WDR70: variants seen among roughly 807,000 people sequenced by gnomAD.
WDR70 encodes the protein WD repeat domain 70, also known as WD repeat-containing protein 70.
In WDR70, 53 loss-of-function variants were observed where a neutral mutation model predicts 88.6. The ratio of observed to expected loss-of-function variants is 0.60; its 90% confidence interval spans 0.48 to 0.75. WDR70 has a LOEUF of 0.75. WDR70 is among the 30% of genes least tolerant of loss of function. The probability of loss-of-function intolerance (pLI) is 0.00; values close to 1 mark genes in which losing one functional copy is unlikely to be tolerated. For synonymous variants in WDR70, 280 were observed against 270.0 expected, an observed-to-expected ratio of 1.04 and a Z score of -0.36; for missense variants, 610 against 823.2, an observed-to-expected ratio of 0.74 and a Z score of 3.17.
At chr5:37,630,990 G>A (rs180761844) in intron 10 of WDR70, among the ~76,000 whole-genome samples, 1 of 152,136 alleles carries the variant, frequency 6.6e-6, no homozygotes, top group African/African-American at 2.4e-5. Flanking sequence ...CATTTGTGGT[G>A]GCAATGGGGG....
chr5:37,411,876 G>A (rs1476226207), intron 5 of WDR70, among the ~76,000 whole-genome samples: 1 of 151,604 alleles, frequency 6.6e-6, no homozygotes, highest in Non-Finnish European at 1.5e-5. Flanking sequence ...GTTAGTAGTT[G>A]GATTTAGTTT....
chr5:37,553,592 G>A (rs930478780), intron 9 of WDR70, among the ~76,000 whole-genome samples: 2 of 152,226 alleles, frequency 1.3e-5, no homozygotes, highest in African/African-American at 2.4e-5. Context: ...GCTTGTGCAT[G>A]TGCTGAGGCT....
chr5:37,390,246 A>G (rs1029224909), intron 3 of WDR70, among the ~76,000 whole-genome samples: 1 of 73,618 alleles, frequency 1.4e-5, no homozygotes, highest in Non-Finnish European at 4.8e-5. Flanking sequence ...TTAATGTAGT[A>G]GTTTTTTTTT....
chr5:37,487,627 A>ATATATTTTTTTTTTTTTTTTTTTT (rs1317924512), intron 8 of WDR70, among the ~76,000 whole-genome samples: 1 of 69,070 alleles, frequency 1.4e-5, no homozygotes, highest in African/African-American at 5.0e-5. Context: ...ATATATATGT[A>ATATATTTTTTTTTTTTTTTTTTTT]TTTTTTTTTT....
chr5:37,658,797 A>G (rs767306837), intron 10 of WDR70, among the ~76,000 whole-genome samples: 3 of 152,226 alleles, frequency 2.0e-5, no homozygotes, highest in Non-Finnish European at 2.9e-5. Context: ...GACAAGAATG[A>G]TGGGCTAACA....
chr5:37,751,359 G>T (rs2973088), intron 17 of WDR70, among the ~76,000 whole-genome samples: 73,728 of 152,116 alleles, frequency 0.48, 20,554 homozygotes, highest in Non-Finnish European at 0.62. Context: ...TAACCAACTG[G>T]GTTGTGTATG....
intron 3 of WDR70, among the ~76,000 whole-genome samples, chr5:37,390,717 G>GTTT (rs560301932): frequency 3.8e-5 from 5 of 132,448 alleles, no homozygotes; most frequent in African/African-American, 1.4e-4. Flanking sequence ...AAAAAGTGCT[G>GTTT]TTTTTTTTTT....
chr5:37,520,076 T>C (rs1408804217), intron 9 of WDR70, among the ~76,000 whole-genome samples: 1 of 152,214 alleles, frequency 6.6e-6, no homozygotes, highest in Non-Finnish European at 1.5e-5. Context: ...GGAATGCACT[T>C]CGTATGATTA....
In WDR70 at chr5:37,399,877, G is replaced by A. The variant is rs77466847; in HGVS notation, c.492+3307G>A. 2.9e-3 allele frequency among the ~76,000 whole-genome samples: 442 copies of A among 152,058 alleles called. 1 individual carries two copies. The highest frequency in any genetic ancestry group is 0.01 in the Middle Eastern group (3 of 294). On this transcript the variant is annotated intron_variant, in intron 5 of 17. Transcript: ENST00000265107. Reference sequence around the variant, plus strand: ...TGCATGTGTGTGGTGCAGATAACTGGGAGTTCTCCAGATTAACTTCGTGTA... The same window carrying A: ...TGCATGTGTGTGGTGCAGATAACTGAGAGTTCTCCAGATTAACTTCGTGTA...
At chr5:37,415,599 GC>G (rs1246623476) in intron 5 of WDR70, among the ~76,000 whole-genome samples, 2 of 143,186 alleles carry the variant, frequency 1.4e-5, no homozygotes, top group Non-Finnish European at 3.1e-5. Context: ...GGGGCGGCTG[GC>G]CGGGCGAGGG....
In WDR70 at chr5:37,600,426, C is replaced by T. The variant is rs557662030; in HGVS notation, c.918-4638C>T. Among the ~76,000 whole-genome samples the T allele has an allele frequency of 2.0e-4, 30 of 149,844 alleles. 1 individual carries two copies. In the South Asian group the frequency reaches 5.5e-3, roughly 27 times the overall value. On this transcript the variant is annotated intron_variant, in intron 9 of 17. Transcript: ENST00000265107. ...CCTGTAGTCCCAGCTACTCGGGAGG[C>T]TAAGGCAGGAGAATGGCATGAACCC...
intron 9 of WDR70, among the ~76,000 whole-genome samples, chr5:37,523,920 C>T (rs1468523163): frequency 1.3e-5 from 2 of 151,866 alleles, no homozygotes; most frequent in East Asian, 1.9e-4. Flanking sequence ...CGAGAAGAGA[C>T]GTTTAGAGAA....
chr5:37,546,131 G>C (rs546100282), intron 9 of WDR70, among the ~76,000 whole-genome samples: 1 of 152,170 alleles, frequency 6.6e-6, no homozygotes, highest in African/African-American at 2.4e-5. Context: ...GTACGTGTTT[G>C]CTCCTGTTAT....
intron 9 of WDR70, among the ~76,000 whole-genome samples, chr5:37,532,405 G>T (rs1337780067): frequency 6.6e-6 from 1 of 152,034 alleles, no homozygotes. Flanking sequence ...TTATTTTTAG[G>T]TTTGTTTGTT....
intron 10 of WDR70, among the ~76,000 whole-genome samples, chr5:37,671,074 A>G (rs1746011172): frequency 6.6e-6 from 1 of 152,228 alleles, no homozygotes; most frequent in African/African-American, 2.4e-5. Flanking sequence ...ATCCTGGTAT[A>G]GTAAGTAACC....
rs1743944542 is a variant in WDR70 at position 37,603,403 on chromosome 5, C to T, written c.918-1661C>T. ...AATGGTGTTGAAGAAACTGGATATC[C>T]ACATGCAGAAGAATGAAATTAGACC... On this transcript the variant is annotated intron_variant, in intron 9 of 17. Transcript: ENST00000265107. Among the ~76,000 whole-genome samples the T allele has an allele frequency of 3.9e-5, 6 of 152,144 alleles. No individual in the cohort carries two copies. In the South Asian group the frequency reaches 1.2e-3, roughly 32 times the overall value.
intron 7 of WDR70, among the ~76,000 whole-genome samples, chr5:37,478,974 G>A (rs1244632828): frequency 6.6e-6 from 1 of 152,182 alleles, no homozygotes; most frequent in Non-Finnish European, 1.5e-5. Context: ...AACTAAAGGA[G>A]GAGATGAGGA....
intron 10 of WDR70, among the ~76,000 whole-genome samples, chr5:37,674,358 T>G (rs1746131767): frequency 6.6e-6 from 1 of 152,116 alleles, no homozygotes; most frequent in Non-Finnish European, 1.5e-5. Context: ...GCATTAGGTA[T>G]ATCTCCTAAT....
chr5:37,534,972 T>G (rs532138478), intron 9 of WDR70, among the ~76,000 whole-genome samples: 1 of 152,200 alleles, frequency 6.6e-6, no homozygotes, highest in Non-Finnish European at 1.5e-5. Context: ...AGCTGTGGAA[T>G]ATCAACCCAG....
Sources: gnomAD v4.1 joint callset for allele counts (sites outside exome capture counted in the v4.1 genomes callset) on GRCh38, gnomAD v4.1.1 for gene constraint, MANE v1.5 for transcripts, NCBI Gene and HGNC (gene_info 2026-07-23, HGNC 2026-07-21) for gene names.